HSD3B7: variants seen among roughly 807,000 people sequenced by gnomAD.
The protein encoded by HSD3B7 is 3 beta-hydroxysteroid dehydrogenase type 7.
A neutral mutation model predicts 34.3 loss-of-function variants in HSD3B7; 35 were observed. That is an observed-to-expected ratio of 1.02 (90% CI 0.78 to 1.35). HSD3B7 has a LOEUF of 1.35. Among genes scored for constraint, HSD3B7 ranks in the 40% most tolerant of loss-of-function variants. HSD3B7 has a pLI of 0.00. For synonymous variants in HSD3B7, 217 were observed against 220.1 expected (o/e 0.99, Z 0.13); for missense variants, 426 against 504.7 (o/e 0.84, Z 1.49).
Position 30,985,803 on chromosome 16 carries a change from T to C in HSD3B7, c.145T>C (p.Trp49Arg). 1 of 1,602,384 alleles carries C rather than the reference T, an allele frequency of 6.2e-7. No individual in the cohort carries two copies. The highest frequency in any genetic ancestry group is 8.5e-7 in the Non-Finnish European group (1 of 1,175,752). The change falls in exon 2 of 7, where the codon TGG (tryptophan) becomes CGG (arginine). Residue 49 changes from tryptophan (W) to arginine (R), a missense_variant. By Grantham distance (101) the Trp-to-Arg change is moderately radical (BLOSUM62 -3). Coordinates refer to ENST00000297679, the MANE Select transcript of HSD3B7 (RefSeq NM_025193.4). ...GGTCTTTGACCAACACCTGGGTCCC[T>C]GGCTGGAGGAGCTGAAGACAGGTTC... ...LRVFDQHLGPWLEELKTGPVR... is the reference protein window; with the variant it reads ...LRVFDQHLGPRLEELKTGPVR...
Position 30,985,731 on chromosome 16 carries a change from G to A in HSD3B7, c.73G>A (p.Val25Met), listed in dbSNP as rs749388036. ...GGGCTGTGGCTTCCTGGGAGAGCAC[G>A]TGGTGCGAATGCTGCTGCAGCGGGA... ...TGGCGFLGEH[V>M]VRMLLQREPR... The change falls in exon 2 of 7, where the codon GTG becomes ATG. Residue 25 changes from valine to methionine, a missense_variant. Coordinates refer to ENST00000297679, the MANE Select transcript of HSD3B7 (RefSeq NM_025193.4). 73 of 1,608,544 alleles carry A rather than the reference G, an allele frequency of 4.5e-5. No individual in the cohort carries two copies. Among genetic ancestry groups the A allele is most frequent in the Middle Eastern group, 2.1e-4 (1 of 4,790 alleles).
In HSD3B7 at chr16:30,985,589, G is replaced by C; in HGVS notation, c.-6-64G>C. On this transcript the variant is annotated intron_variant, in intron 1 of 6. Coordinates refer to ENST00000297679, the MANE Select transcript of HSD3B7 (RefSeq NM_025193.4). Reference sequence around the variant, plus strand: ...TCGTCACCGCTCCAGGGCACCTCCAGCAGTAACAGGTGGTTGCAGCAGGTG... The same window carrying C: ...TCGTCACCGCTCCAGGGCACCTCCACCAGTAACAGGTGGTTGCAGCAGGTG... The C allele has an allele frequency of 1.9e-6, 3 of 1,546,660 alleles. No homozygotes were observed. In the East Asian group the frequency reaches 7.1e-5, roughly 36 times the overall value.
chr16:30,987,797 G>T lies in HSD3B7; in HGVS notation c.724G>T (p.Ala242Ser). 4.3e-6 allele frequency: 7 copies of T among 1,613,022 alleles called. No individual in the cohort carries two copies. The South Asian group carries it at 5.5e-5, about 13-fold the overall frequency. The change falls in exon 7 of 7, where the codon GCC becomes TCC. Residue 242 changes from alanine (A) to serine (S), a missense_variant. Transcript: ENST00000297679. ...TGTTGCCTGGATGCACGTGCTGGCA[G>T]CCCGGGAGCTGGAGCAGCGGGCAAC... ...GNVAWMHVLAARELEQRATLM... is the reference protein window; with the variant it reads ...GNVAWMHVLASRELEQRATLM...
rs139617173 is a variant in HSD3B7 at position 30,988,049 on chromosome 16, G to A, written c.976G>A (p.Val326Met). 2.9e-5 allele frequency: 47 copies of A among 1,606,702 alleles called. No homozygotes were observed. The highest frequency in any genetic ancestry group is 8.0e-5 in the African/African-American group (6 of 75,060). ...APLLNPYTLA[V>M]ANTTFTVSTD... ...CCTGCTGAACCCCTACACGCTGGCC[G>A]TGGCCAACACCACCTTCACCGTCAG... is the stretch of plus-strand genomic sequence containing the variant. The change falls in exon 7 of 7, where the codon GTG (valine) becomes ATG (methionine). Residue 326 changes from valine (V) to methionine (M), a missense_variant. Physicochemically the swap from Val to Met is conservative, Grantham distance 21. Transcript: ENST00000297679.
Position 30,986,116 on chromosome 16 carries a change from C to G in HSD3B7, c.234C>G (p.Ala78=). 1.2e-6 allele frequency: 2 copies of G among 1,613,980 alleles called. No individual in the cohort carries two copies. The highest frequency in any genetic ancestry group is 2.2e-5 in the South Asian group (2 of 91,082). ...TQAHEVAAAV[A]GAHVVIHTAG... is the part of the protein sequence containing the mutation. ...CCCATGAGGTGGCAGCAGCTGTGGC[C>G]GGAGCCCATGTGGTCATCCACACGG... Residue 78 remains alanine (A), a synonymous_variant, in exon 3 of 7, where the codon GCC becomes GCG. Coordinates refer to ENST00000297679, the MANE Select transcript of HSD3B7 (RefSeq NM_025193.4).
At position 30,986,701 on chromosome 16, in the gene HSD3B7, G is replaced by C; in HGVS notation, c.528G>C (p.Arg176Ser). Residue 176 changes from arginine (R) to serine (S), a missense_variant, in exon 5 of 7, where the codon AGG becomes AGC. Physicochemically the swap from Arg to Ser is moderately radical, Grantham distance 110. Coordinates refer to ENST00000297679, the MANE Select transcript of HSD3B7 (RefSeq NM_025193.4). ...AEWLVLEANG[R>S]KVRGGLPLVT... ...GGCTGGTCCTGGAGGCCAACGGGAG[G>C]AAGGTGAGCCCAGAAAAAGGAGGCG... 1 of 1,613,976 alleles carries C rather than the reference G, an allele frequency of 6.2e-7. No homozygotes were observed. Among genetic ancestry groups the C allele is most frequent in the South Asian group, 1.1e-5 (1 of 91,090 alleles).
In HSD3B7 at chr16:30,986,843, C is replaced by G. The variant is rs137906271; in HGVS notation, c.535C>G (p.Arg179Gly). The G allele has an allele frequency of 6.2e-7, 1 of 1,613,882 alleles. No individual in the cohort carries two copies. The highest frequency in any genetic ancestry group is 8.5e-7 in the Non-Finnish European group (1 of 1,180,054). ...LVLEANGRKV[R>G]GGLPLVTCAL... ...CAGTACCTGCCTTTGCCACCAGGTCCGTGGGGGGCTGCCCCTGGTGACGTG... is the reference window on the plus strand; with the variant it reads ...CAGTACCTGCCTTTGCCACCAGGTCGGTGGGGGGCTGCCCCTGGTGACGTG... Residue 179 changes from arginine (R) to glycine (G), a missense_variant, in exon 6 of 7, where the codon CGT becomes GGT. Coordinates refer to ENST00000297679, the MANE Select transcript of HSD3B7 (RefSeq NM_025193.4).
Position 30,987,014 on chromosome 16 carries a change from G to A in HSD3B7, c.694+12G>A, listed in dbSNP as rs971153100. The A allele has an allele frequency of 3.7e-6, 6 of 1,603,624 alleles. No homozygotes were observed. In the Admixed American group the frequency reaches 6.7e-5, roughly 18 times the overall value. On this transcript the variant is annotated intron_variant, in intron 6 of 6. Transcript: ENST00000297679. ...CCGGGTCTATGTGGGTGAGGACTGG[G>A]CTAGGCAGGGGGAGGCTGAGAATAT...
In HSD3B7 at chr16:30,986,178, AGACCATCCATGAG is replaced by A. The variant is rs1167357924; in HGVS notation, c.298_310del (p.Thr100SerfsTer9). The A allele has an allele frequency of 6.2e-7, 1 of 1,614,068 alleles. No homozygotes were observed. The highest frequency in any genetic ancestry group is 8.5e-7 in the Non-Finnish European group (1 of 1,180,008). ...GACGTGTTTGGCAGGGCCAGTCCCA[AGACCATCCATGAG>A]GTCAACGTGCAGGGTGAGGAGCTCT... is the stretch of plus-strand genomic sequence containing the variant. On this transcript the variant is annotated frameshift_variant, in exon 3 of 7. Transcript: ENST00000297679. LOFTEE classifies it high-confidence loss of function.
chr16:30,986,008 C>A (rs2056468719), intron 2 of HSD3B7, 41 bp from the exon 3 acceptor site: 21 of 1,606,690 alleles, frequency 1.3e-5, no homozygotes, highest in Non-Finnish European at 1.7e-5. Flanking sequence ...TGGCCTCTGG[C>A]CCCAGCTCTG....
chr16:30,986,530 A>G lies in HSD3B7; in HGVS notation c.430A>G (p.Arg144Gly). Residue 144 changes from arginine to glycine, a missense_variant and splice_region_variant, in exon 4 of 7, where the codon AGG becomes GGG. Physicochemically the swap from Arg to Gly is moderately radical, Grantham distance 125. Coordinates refer to ENST00000297679, the MANE Select transcript of HSD3B7 (RefSeq NM_025193.4). ...TAACACCAAAGGTCACCCCTTCTAC[A>G]GGTGAGTGGCAGGCCCTCTTGTCCT... ...GPNTKGHPFYRGNEDTPYEAV... is the reference protein window; with the variant it reads ...GPNTKGHPFYGGNEDTPYEAV... 1 of 1,613,424 alleles carries G rather than the reference A, an allele frequency of 6.2e-7. No homozygotes were observed. Among genetic ancestry groups the G allele is most frequent in the Non-Finnish European group, 8.5e-7 (1 of 1,179,330 alleles).
chr16:30,986,384 G>C (rs761713968), intron 3 of HSD3B7, 39 bp from the exon 4 acceptor site: 6 of 1,590,798 alleles, frequency 3.8e-6, no homozygotes, highest in Admixed American at 1.7e-5. Context: ...TGCAGAGAGG[G>C]AAGAAGCTGC....
chr16:30,986,078 G>T lies in HSD3B7; in HGVS notation c.196G>T (p.Asp66Tyr). 6.2e-7 allele frequency: 1 copy of T among 1,613,556 alleles called. No homozygotes were observed. Among genetic ancestry groups the T allele is most frequent in the Non-Finnish European group, 8.5e-7 (1 of 1,179,974 alleles). ...GPVRVTAIQG[D>Y]VTQAHEVAAA... is the part of the protein sequence containing the mutation. Reference sequence around the variant, plus strand: ...TGTGAGGGTGACTGCCATCCAGGGGGACGTGACCCAGGCCCATGAGGTGGC... The same window carrying T: ...TGTGAGGGTGACTGCCATCCAGGGGTACGTGACCCAGGCCCATGAGGTGGC... The change falls in exon 3 of 7, where the codon GAC becomes TAC. Residue 66 changes from aspartate (D) to tyrosine (Y), a missense_variant. By Grantham distance (160) the Asp-to-Tyr change is radical. Transcript: ENST00000297679.
At chr16:30,987,595 CAGG>C in intron 6 of HSD3B7, 170 bp from the exon 7 acceptor site, 1 of 728,328 alleles carries the variant, frequency 1.4e-6, no homozygotes, top group Non-Finnish European at 2.4e-6. Flanking sequence ...CAGGCTGGCC[CAGG>C]AGAGCAAGTG....
Position 30,987,008 on chromosome 16 carries a change from G to C in HSD3B7, c.694+6G>C. ...GCATGGCCGGGTCTATGTGGGTGAG[G>C]ACTGGGCTAGGCAGGGGGAGGCTGA... is the stretch of plus-strand genomic sequence containing the variant. On this transcript the variant is annotated splice_donor_region_variant and intron_variant, in intron 6 of 6. Transcript: ENST00000297679. 8.1e-6 allele frequency: 13 copies of C among 1,607,006 alleles called. No homozygotes were observed. Among genetic ancestry groups the C allele is most frequent in the Non-Finnish European group, 1.0e-5 (12 of 1,175,466 alleles).
rs1198554943 is a variant in HSD3B7, at chr16:30,986,547, T to G, written c.431+16T>G. The G allele has an allele frequency of 6.2e-7, 1 of 1,612,998 alleles. No individual in the cohort carries two copies. Reference sequence around the variant, plus strand: ...CCTTCTACAGGTGAGTGGCAGGCCCTCTTGTCCTCTAAGAGCCCATTTCCC... The same window carrying G: ...CCTTCTACAGGTGAGTGGCAGGCCCGCTTGTCCTCTAAGAGCCCATTTCCC... On this transcript the variant is annotated intron_variant, in intron 4 of 6. Transcript: ENST00000297679.
Position 30,985,732 on chromosome 16 carries a change from T to A in HSD3B7, c.74T>A (p.Val25Glu), listed in dbSNP as rs1180917569. 1 of 1,608,394 alleles carries A rather than the reference T, an allele frequency of 6.2e-7. No homozygotes were observed. The highest frequency in any genetic ancestry group is 1.3e-5 in the African/African-American group (1 of 74,846). Residue 25 changes from valine (V) to glutamate (E), a missense_variant, in exon 2 of 7, where the codon GTG becomes GAG. Transcript: ENST00000297679. Reference sequence around the variant, plus strand: ...GGCTGTGGCTTCCTGGGAGAGCACGTGGTGCGAATGCTGCTGCAGCGGGAG... The same window carrying A: ...GGCTGTGGCTTCCTGGGAGAGCACGAGGTGCGAATGCTGCTGCAGCGGGAG... Reference protein sequence around the residue: ...TGGCGFLGEHVVRMLLQREPR... With the variant: ...TGGCGFLGEHEVRMLLQREPR...
rs897410739 is a variant in HSD3B7, at chr16:30,988,319, G to A, written c.*136G>A. 5.4e-5 allele frequency: 42 copies of A among 779,644 alleles called. No homozygotes were observed. The highest frequency in any genetic ancestry group is 1.6e-4 in the South Asian group (9 of 56,482). 48.3% of individuals were successfully genotyped at this position (779,644 alleles called of 1,614,324 possible). A position where few individuals can be genotyped will look rare whatever the true frequency, so the allele number is the denominator to read the frequency against. ...TGGGGCCAGAATGGCTGTCCTTGTC[G>A]TAGAGCCCTCCACATTTTCTTTTTC... On this transcript the variant is annotated 3_prime_UTR_variant, in exon 7 of 7. Transcript: ENST00000297679.
Position 30,985,705 on chromosome 16 carries a change from G to T in HSD3B7, c.47G>T (p.Gly16Val). ...CAGAAGCTGGTGTACCTGGTCACAG[G>T]GGGCTGTGGCTTCCTGGGAGAGCAC... ...QAQKLVYLVT[G>V]GCGFLGEHVV... The change falls in exon 2 of 7, where the codon GGG becomes GTG. Residue 16 changes from glycine to valine, a missense_variant. Transcript: ENST00000297679. 6.2e-7 allele frequency: 1 copy of T among 1,608,950 alleles called. No individual in the cohort carries two copies. Among genetic ancestry groups the T allele is most frequent in the Non-Finnish European group, 8.5e-7 (1 of 1,179,398 alleles).
Sources: gnomAD v4.1 joint callset for allele counts on GRCh38, gnomAD v4.1.1 for gene constraint, MANE v1.5 for transcripts, NCBI Gene and HGNC (gene_info 2026-07-23, HGNC 2026-07-21) for gene names.